The following HSPA12B variants were observed in gnomAD, a reference collection of about 807,000 sequenced individuals.
HSPA12B encodes the protein heat shock protein family A (Hsp70) member 12B.
In HSPA12B, 54 loss-of-function variants were observed where a neutral mutation model predicts 69.3. The ratio of observed to expected loss-of-function variants is 0.78; its 90% CI spans 0.63 to 0.98. The LOEUF (loss-of-function observed/expected upper bound fraction) is 0.98. HSPA12B is among the 50% of genes least tolerant of loss of function. The probability of loss-of-function intolerance (pLI) is 0.00; values close to 1 mark genes in which losing one functional copy is unlikely to be tolerated. For synonymous variants in HSPA12B, 441 were observed against 436.5 expected (o/e 1.01, Z -0.13); for missense variants, 929 against 999.8 (o/e 0.93, Z 0.96).
At position 3,745,119 on chromosome 20, in the gene HSPA12B, G is replaced by C; in HGVS notation, c.453+31G>C. On this transcript the variant is annotated intron_variant, in intron 5 of 12. Transcript: ENST00000254963. This position sits in a 1 kb window ranked among gnomAD's most constrained non-coding sequence, Gnocchi z 5.6. ...TCACAGGGCTCCAGACAGGGAGGCGGGGCCAGCATGGAAAAGGGCAGGGCT... is the reference window on the plus strand; with the variant it reads ...TCACAGGGCTCCAGACAGGGAGGCGCGGCCAGCATGGAAAAGGGCAGGGCT... The C allele has an allele frequency of 6.3e-7, 1 of 1,589,974 alleles. No individual in the cohort carries two copies. The highest frequency in any genetic ancestry group is 8.6e-7 in the Non-Finnish European group (1 of 1,162,748).
chr20:3,752,068 G>A lies in HSPA12B; in HGVS notation c.1963G>A (p.Ala655Thr), dbSNP rs927803951. The A allele has an allele frequency of 1.9e-6, 3 of 1,545,604 alleles. No individual in the cohort carries two copies. The highest frequency in any genetic ancestry group is 1.7e-4 in the Middle Eastern group (1 of 5,896). The change falls in exon 13 of 13, where the codon GCC becomes ACC. Residue 655 changes from alanine (A) to threonine (T), a missense_variant. Physicochemically the swap from Ala to Thr is moderately conservative, Grantham distance 58. This residue lies in a region of HSPA12B where 448 missense variants were observed against 448.1 expected (regional missense o/e 1.00). Transcript: ENST00000254963. ...GAPPGRREIR[A>T]AMQFGDTEIK... ...GCCTCCCGGCCGCCGCGAGATCCGC[G>A]CCGCCATGCAGTTTGGCGACACCGA... is the stretch of plus-strand genomic sequence containing the variant.
rs1318647675 is a variant in HSPA12B at position 3,751,708 on chromosome 20, C to T, written c.1603C>T (p.Arg535Trp). Residue 535 changes from arginine to tryptophan, a missense_variant, in exon 13 of 13, where the codon CGG becomes TGG. This residue lies in a region of HSPA12B where 448 missense variants were observed against 448.1 expected (regional missense o/e 1.00). Coordinates refer to ENST00000254963, the MANE Select transcript of HSPA12B (RefSeq NM_052970.5). Reference protein sequence around the residue: ...VLFGQAPGVVRVRRSPLTYGV... With the variant: ...VLFGQAPGVVWVRRSPLTYGV... ...GTTCGGCCAGGCGCCGGGCGTGGTG[C>T]GGGTCCGCCGCTCGCCGCTCACCTA... 7 of 1,482,978 alleles carry T rather than the reference C, an allele frequency of 4.7e-6. No individual in the cohort carries two copies. The highest frequency in any genetic ancestry group is 3.6e-4 in the Middle Eastern group (2 of 5,582). The allele number at this position is 1,482,978 out of a possible 1,614,324, so 91.9% of individuals were successfully genotyped here. A position where few individuals can be genotyped will look rare whatever the true frequency, so the allele number is the denominator to read the frequency against.
Position 3,740,059 on chromosome 20 carries a change from C to T in HSPA12B, c.44-756C>T, listed in dbSNP as rs2088172475. Among the ~76,000 whole-genome samples the T allele has an allele frequency of 6.6e-6, 1 of 152,186 alleles. No homozygotes were observed. Among genetic ancestry groups the T allele is most frequent in the Non-Finnish European group, 1.5e-5 (1 of 68,022 alleles). ...GCTGTCCTCCAGGGCTACTCCACTC[C>T]CTCCCACCAAAGGTCCAGCTCAGTC... On this transcript the variant is annotated intron_variant, in intron 2 of 12. Coordinates refer to ENST00000254963, the MANE Select transcript of HSPA12B (RefSeq NM_052970.5). The surrounding 1 kb of genome is among the most constrained non-coding windows in gnomAD (Gnocchi z 4.9).
rs146416465 is a variant in HSPA12B, at chr20:3,749,276, G to A, written c.895G>A (p.Val299Met). 772 of 1,613,858 alleles carry A rather than the reference G, an allele frequency of 4.8e-4. No homozygotes were observed. The highest frequency in any genetic ancestry group is 6.1e-4 in the Non-Finnish European group (719 of 1,179,924). Residue 299 changes from valine (V) to methionine (M), a missense_variant, in exon 9 of 13, where the codon GTG (valine) becomes ATG (methionine). Val to Met is a conservative substitution (Grantham distance 21). Transcript: ENST00000254963. The surrounding 1 kb of genome is among the most constrained non-coding windows in gnomAD (Gnocchi z 5.5). Reference sequence around the variant, plus strand: ...GTCCCGCCACAGCCGCACGTTCCTGGTGGAGTCAGGCGTAGGAGAGCTGTG... The same window carrying A: ...GTCCCGCCACAGCCGCACGTTCCTGATGGAGTCAGGCGTAGGAGAGCTGTG... The part of the protein sequence containing the change: ...RRSRHSRTFL[V>M]ESGVGELWAE...
At chr20:3,738,872 C>T (rs1351199812) in intron 2 of HSPA12B, among the ~76,000 whole-genome samples, 155 bp downstream of exon 2, 1 of 152,114 alleles carries the variant, frequency 6.6e-6, no homozygotes, top group Non-Finnish European at 1.5e-5. Context: ...GTGTGCAGGG[C>T]AGGTCTGTGT....
chr20:3,751,300 G>A lies in HSPA12B; in HGVS notation c.1406-211G>A. 3 of 985,476 alleles carry A rather than the reference G, an allele frequency of 3.0e-6. 1 individual carries two copies. In the South Asian group the frequency reaches 1.4e-4, roughly 46 times the overall value. 61.0% of individuals were successfully genotyped at this position (985,476 alleles called of 1,614,324 possible). On this transcript the variant is annotated intron_variant, in intron 12 of 12. Coordinates refer to ENST00000254963, the MANE Select transcript of HSPA12B (RefSeq NM_052970.5). The stretch of plus-strand genomic sequence containing the variant: ...CTCCACGTCGTGGTGGGAGAGAAGT[G>A]GGGAGCGTGAGTGTTGGGGAGGCGA...
At chr20:3,741,923 G>A (rs934737101) in intron 3 of HSPA12B, among the ~76,000 whole-genome samples, 1 of 151,922 alleles carries the variant, frequency 6.6e-6, no homozygotes, top group African/African-American at 2.4e-5. Context: ...AAACTGCCTG[G>A]AGGAGCAAAA....
At chr20:3,742,688 GTTT>G (rs922077268) in intron 4 of HSPA12B, among the ~76,000 whole-genome samples, 8 of 149,144 alleles carry the variant, frequency 5.4e-5, no homozygotes, top group Admixed American at 4.7e-4. Context: ...ATATGCAAAT[GTTT>G]TTTATTTTCC....
At chr20:3,743,505 T>C (rs916970087) in intron 4 of HSPA12B, among the ~76,000 whole-genome samples, 6 of 152,144 alleles carry the variant, frequency 3.9e-5, no homozygotes, top group African/African-American at 1.4e-4. Context: ...CCCACAAATA[T>C]TTTTCTAAGC....
rs759855701 is a variant in HSPA12B, at chr20:3,751,710, G to A, written c.1605G>A (p.Arg535=). Residue 535 remains arginine (R), a synonymous_variant, in exon 13 of 13, where the codon CGG becomes CGA. Transcript: ENST00000254963. The part of the protein sequence containing the change: ...VLFGQAPGVV[R]VRRSPLTYGV... ...TCGGCCAGGCGCCGGGCGTGGTGCG[G>A]GTCCGCCGCTCGCCGCTCACCTATG... 2.7e-6 allele frequency: 4 copies of A among 1,485,398 alleles called. No individual in the cohort carries two copies. In the South Asian group the frequency reaches 5.1e-5, roughly 19 times the overall value. The allele number at this position is 1,485,398 out of a possible 1,614,324, so 92.0% of individuals were successfully genotyped here.
In HSPA12B at chr20:3,740,091, G is replaced by A. The variant is rs930152086; in HGVS notation, c.44-724G>A. ...CCAAAGGTCCAGCTCAGTCCCAGGC[G>A]TGCAAGAGGGTCTTGATGGGGCGTC... On this transcript the variant is annotated intron_variant, in intron 2 of 12. Coordinates refer to ENST00000254963, the MANE Select transcript of HSPA12B (RefSeq NM_052970.5). The surrounding 1 kb of genome is among the most constrained non-coding windows in gnomAD (Gnocchi z 4.9). Among the ~76,000 whole-genome samples, 3 of 152,174 alleles carry A rather than the reference G, an allele frequency of 2.0e-5. No homozygotes were observed. Among genetic ancestry groups the A allele is most frequent in the African/African-American group, 4.8e-5 (2 of 41,428 alleles).
chr20:3,739,586 G>GAGCCTGCCCTGGCTGC (rs1341164338), intron 2 of HSPA12B, among the ~76,000 whole-genome samples: 1 of 152,194 alleles, frequency 6.6e-6, no homozygotes, highest in Admixed American at 6.5e-5. Context: ...GGCAGGGCTG[G>GAGCCTGCCCTGGCTGC]AGCCTGCCCT....
intron 4 of HSPA12B, among the ~76,000 whole-genome samples, chr20:3,742,655 G>T (rs191593184): frequency 2.0e-5 from 3 of 151,842 alleles, no homozygotes; most frequent in South Asian, 2.1e-4. Flanking sequence ...ATTTTTTTGA[G>T]ATATAACAAA....
chr20:3,742,986 G>A (rs1290987172), intron 4 of HSPA12B, among the ~76,000 whole-genome samples: 32 of 151,418 alleles, frequency 2.1e-4, no homozygotes, highest in Admixed American at 2.1e-3. Context: ...CCATTCTCCT[G>A]CCTCAGCCTC....
In HSPA12B at chr20:3,740,846, C is replaced by T. The variant is rs771948272; in HGVS notation, c.75C>T (p.Ser25=). 1.2e-6 allele frequency: 2 copies of T among 1,613,890 alleles called. No homozygotes were observed. Among genetic ancestry groups the T allele is most frequent in the East Asian group, 2.2e-5 (1 of 44,880 alleles). ...GSSPERSPVP[S]PPGSPRTQES... is the part of the protein sequence containing the mutation. ...GCCCGGAGCGGTCCCCAGTGCCTAG[C>T]CCACCCGGCTCCCCGAGGACCCAGG... Residue 25 remains serine, a synonymous_variant, in exon 3 of 13, where the codon AGC becomes AGT. Transcript: ENST00000254963. The surrounding 1 kb of genome is among the most constrained non-coding windows in gnomAD (Gnocchi z 4.9).
rs1317408435 is a variant in HSPA12B at position 3,745,003 on chromosome 20, G to A, written c.368G>A (p.Arg123His). 2 of 1,614,086 alleles carry A rather than the reference G, an allele frequency of 1.2e-6. No homozygotes were observed. The highest frequency in any genetic ancestry group is 1.7e-6 in the Non-Finnish European group (2 of 1,180,040). The change falls in exon 5 of 13, where the codon CGC (arginine) becomes CAC (histidine). Residue 123 changes from arginine to histidine, a missense_variant. Arg to His is a conservative substitution (Grantham distance 29). Around this residue, in one of 3 missense-constraint regions of HSPA12B, gnomAD observed 477 missense variants for 535.2 expected, o/e 0.89. Transcript: ENST00000254963. This position sits in a 1 kb window ranked among gnomAD's most constrained non-coding sequence, Gnocchi z 5.6. ...GAFHSFGYTA[R>H]DYYHDLDPEE... is the part of the protein sequence containing the mutation. ...TTCCACAGCTTTGGCTACACCGCCC[G>A]CGATTACTACCATGACCTGGACCCC...
In HSPA12B at chr20:3,749,351, G is replaced by C; in HGVS notation, c.937+33G>C. 6.3e-7 allele frequency: 1 copy of C among 1,577,412 alleles called. No homozygotes were observed. The highest frequency in any genetic ancestry group is 8.7e-7 in the Non-Finnish European group (1 of 1,150,972). Reference sequence around the variant, plus strand: ...GAAAGGGGGACGGAGTGTTATCCTTGGCCCCTACCGGGCACCATATACTGA... The same window carrying C: ...GAAAGGGGGACGGAGTGTTATCCTTCGCCCCTACCGGGCACCATATACTGA... On this transcript the variant is annotated intron_variant, in intron 9 of 12. Coordinates refer to ENST00000254963, the MANE Select transcript of HSPA12B (RefSeq NM_052970.5). The surrounding 1 kb of genome is among the most constrained non-coding windows in gnomAD (Gnocchi z 5.5).
In HSPA12B at chr20:3,752,465, C is replaced by G. The variant is rs1244366333; in HGVS notation, c.*299C>G. ...GCAGCCCGGCAAGGGGCATGTGACC[C>G]CGAAGGAAGAACGCAACAGAAGAGT... On this transcript the variant is annotated 3_prime_UTR_variant, in exon 13 of 13. Coordinates refer to ENST00000254963, the MANE Select transcript of HSPA12B (RefSeq NM_052970.5). The G allele has an allele frequency of 2.1e-5, 7 of 329,564 alleles. No homozygotes were observed. The East Asian group carries it at 2.9e-4, about 13-fold the overall frequency. The allele number at this position is 329,564 out of a possible 1,614,324, so 20.4% of individuals were successfully genotyped here. A position where few individuals can be genotyped will look rare whatever the true frequency, so the allele number is the denominator to read the frequency against.
Position 3,737,769 on chromosome 20 carries a change from G to A in HSPA12B, c.-17-889G>A, listed in dbSNP as rs1488303640. ...TGTAATCCCAGCACTTTGAGAGGCC[G>A]AGGTGGGCGGATCACCTGAGGTCAG... On this transcript the variant is annotated intron_variant, in intron 1 of 12. Transcript: ENST00000254963. This position sits in a 1 kb window ranked among gnomAD's most constrained non-coding sequence, Gnocchi z 4.1. Among the ~76,000 whole-genome samples, 2 of 152,164 alleles carry A rather than the reference G, an allele frequency of 1.3e-5. No homozygotes were observed. The highest frequency in any genetic ancestry group is 2.4e-5 in the African/African-American group (1 of 41,422).
Sources: gnomAD v4.1 joint callset for allele counts (sites outside exome capture counted in the v4.1 genomes callset) on GRCh38, gnomAD v4.1.1 for gene constraint, gnomAD v4.1.1 regional missense constraint, Gnocchi (gnomAD v3.1) non-coding constraint, MANE v1.5 for transcripts, NCBI Gene and HGNC (gene_info 2026-07-23, HGNC 2026-07-21) for gene names.